Variants in LRSAM1 observed in about 807,000 individuals in gnomAD.
The protein encoded by LRSAM1 is E3 ubiquitin-protein ligase LRSAM1.
A neutral mutation model predicts 118.1 loss-of-function variants in LRSAM1; 96 were observed. That is an observed-to-expected ratio of 0.81 (90% CI 0.69 to 0.96). LRSAM1 has a LOEUF of 0.96. LRSAM1 is among the 40% of genes least tolerant of loss of function. LRSAM1 has a pLI of 0.00. For missense variants in LRSAM1, 804 were observed against 915.5 expected (o/e 0.88, Z 1.57); for synonymous variants, 322 against 364.2 (o/e 0.88, Z 1.32).
intron 2 of LRSAM1, 193 bp downstream of exon 2, chr9:127,452,277 G>T (rs926457634): frequency 2.0e-5 from 3 of 152,458 alleles, no homozygotes; most frequent in African/African-American, 7.2e-5. Flanking sequence ...GTGCAAGAGG[G>T]TTAGTGATTG....
chr9:127,460,952 T>G (rs1834718509), intron 7 of LRSAM1, among the ~76,000 whole-genome samples: 1 of 142,660 alleles, frequency 7.0e-6, no homozygotes, highest in South Asian at 2.3e-4. Context: ...GCCTCCTGGG[T>G]TCAAGCAATT....
chr9:127,462,887 G>T (rs1421620359), intron 9 of LRSAM1, among the ~76,000 whole-genome samples: 1 of 151,952 alleles, frequency 6.6e-6, no homozygotes, highest in Non-Finnish European at 1.5e-5. Context: ...ATTCAAGCCA[G>T]ACCTTAAAGG....
rs75171318 is a variant in LRSAM1 at position 127,496,101 on chromosome 9, C to T, written c.1830+6C>T. The T allele has an allele frequency of 0.026, 41,755 of 1,607,800 alleles. 681 individuals carry two copies. The highest frequency in any genetic ancestry group is 0.031 in the Non-Finnish European group (35,996 of 1,179,952). ...GCCCAGGGGACCTGGCCAAGGTGGG[C>T]AGCAGCCGTCTGCATGGAGGGGAGG... On this transcript the variant is annotated splice_donor_region_variant and intron_variant, in intron 23 of 25. Coordinates refer to ENST00000300417, the MANE Select transcript of LRSAM1 (RefSeq NM_001005373.4).
At chr9:127,456,672 G>A (rs896602643) in intron 5 of LRSAM1, among the ~76,000 whole-genome samples, 1 of 152,070 alleles carries the variant, frequency 6.6e-6, no homozygotes, top group African/African-American at 2.4e-5. Context: ...AGACCATCCT[G>A]GCTACCATGG....
Position 127,451,631 on chromosome 9 carries a change from G to A in LRSAM1, c.-227G>A. 1 of 474,772 alleles carries A rather than the reference G, an allele frequency of 2.1e-6. No homozygotes were observed. Among genetic ancestry groups the A allele is most frequent in the Non-Finnish European group, 3.9e-6 (1 of 259,342 alleles). 29.4% of individuals were successfully genotyped at this position (474,772 alleles called of 1,614,324 possible). On this transcript the variant is annotated 5_prime_UTR_variant, in exon 1 of 26. Coordinates refer to ENST00000300417, the MANE Select transcript of LRSAM1 (RefSeq NM_001005373.4). Reference sequence around the variant, plus strand: ...GGAGAAGTCTGAGAAGGGTGGCTCCGGTGATCCCAGCCCTAGCTGTTTCCC... The same window carrying A: ...GGAGAAGTCTGAGAAGGGTGGCTCCAGTGATCCCAGCCCTAGCTGTTTCCC...
In LRSAM1 at chr9:127,503,221, C is replaced by T; in HGVS notation, c.*322C>T. 2.5e-6 allele frequency: 1 copy of T among 393,402 alleles called. No individual in the cohort carries two copies. The highest frequency in any genetic ancestry group is 4.9e-6 in the Non-Finnish European group (1 of 205,600). 24.4% of individuals were successfully genotyped at this position (393,402 alleles called of 1,614,324 possible). ...TCCCAGCTGTCTTGACTGAAGGCCA[C>T]CGCCCCTGCAGGAGCTTGGGTCCTC... On this transcript the variant is annotated 3_prime_UTR_variant, in exon 26 of 26. Coordinates refer to ENST00000300417, the MANE Select transcript of LRSAM1 (RefSeq NM_001005373.4).
Position 127,454,570 on chromosome 9 carries a change from C to G in LRSAM1, c.43C>G (p.Arg15Gly). The G allele has an allele frequency of 6.2e-7, 1 of 1,614,102 alleles. No homozygotes were observed. Among genetic ancestry groups the G allele is most frequent in the Non-Finnish European group, 8.5e-7 (1 of 1,180,008 alleles). Residue 15 changes from arginine (R) to glycine (G), a missense_variant, in exon 3 of 26, where the codon CGG (arginine) becomes GGG (glycine). By Grantham distance (125) the Arg-to-Gly change is moderately radical (BLOSUM62 -2). Coordinates refer to ENST00000300417, the MANE Select transcript of LRSAM1 (RefSeq NM_001005373.4). ...FRKRKPSEEA[R>G]KRLEYQMCLA... ...GAAGCGGAAACCCAGTGAGGAGGCT[C>G]GGAAACGCCTGGAGTACCAGATGTG...
At chr9:127,461,370 C>T in intron 8 of LRSAM1, 113 bp downstream of exon 8, 2 of 864,226 alleles carry the variant, frequency 2.3e-6, no homozygotes, top group South Asian at 2.6e-5. Flanking sequence ...CAGCCAGTCT[C>T]CGGGGGTCGC....
chr9:127,483,694 C>T (rs1013757210), intron 16 of LRSAM1, among the ~76,000 whole-genome samples: 1 of 152,136 alleles, frequency 6.6e-6, no homozygotes, highest in Non-Finnish European at 1.5e-5. Context: ...GACAAAGTCT[C>T]GCTCTGTTGC....
chr9:127,454,539 C>A lies in LRSAM1; in HGVS notation c.12C>A (p.Phe4Leu), dbSNP rs753536686. 4.3e-6 allele frequency: 7 copies of A among 1,614,128 alleles called. No homozygotes were observed. The highest frequency in any genetic ancestry group is 2.5e-6 in the Non-Finnish European group (3 of 1,180,046). The change falls in exon 3 of 26, where the codon TTC becomes TTA. Residue 4 changes from phenylalanine to leucine, a missense_variant. Transcript: ENST00000300417. ...GGGAAAAGGGAAGGATGCCGCTCTT[C>A]TTCCGGAAGCGGAAACCCAGTGAGG... MPL[F>L]FRKRKPSEEA...
At chr9:127,483,919 C>G (rs1049592494) in intron 16 of LRSAM1, among the ~76,000 whole-genome samples, 4 of 146,190 alleles carry the variant, frequency 2.7e-5, no homozygotes, top group Admixed American at 6.6e-5. Flanking sequence ...GCCTCAACCT[C>G]CTGAAGTGCT....
chr9:127,482,936 G>A lies in LRSAM1; in HGVS notation c.1089-14G>A. On this transcript the variant is annotated splice_polypyrimidine_tract_variant and intron_variant, in intron 15 of 25. Coordinates refer to ENST00000300417, the MANE Select transcript of LRSAM1 (RefSeq NM_001005373.4). ...TGTTAAATTTGCTGAATGAATGGAT[G>A]GATTTTTTTCTAGAATAAGAATGGA... 6.4e-7 allele frequency: 1 copy of A among 1,552,160 alleles called. No individual in the cohort carries two copies.
At position 127,479,380 on chromosome 9, in the gene LRSAM1, C is replaced by A. The variant is rs755107083; in HGVS notation, c.781-3C>A. 4 of 1,614,166 alleles carry A rather than the reference C, an allele frequency of 2.5e-6. No individual in the cohort carries two copies. In the South Asian group the frequency reaches 4.4e-5, roughly 18 times the overall value. On this transcript the variant is annotated splice_region_variant and splice_polypyrimidine_tract_variant and intron_variant, in intron 12 of 25. Transcript: ENST00000300417. ...GACAGTCACCAGGATCTGTGTCTTG[C>A]AGGAACAGAAGATGCTGGAGAAACT...
intron 20 of LRSAM1, among the ~76,000 whole-genome samples, chr9:127,491,739 G>T (rs2132099875): frequency 6.6e-6 from 1 of 152,368 alleles, no homozygotes; most frequent in East Asian, 1.9e-4. Context: ...CCTGCAGGCA[G>T]CATCTCTGGG....
intron 7 of LRSAM1, among the ~76,000 whole-genome samples, chr9:127,460,750 G>A (rs1834703191): frequency 6.6e-6 from 1 of 151,884 alleles, no homozygotes; most frequent in Non-Finnish European, 1.5e-5. Flanking sequence ...GCTTGTGTGT[G>A]TAGTGCCTGG....
At chr9:127,480,006 C>T (rs1420379934) in intron 14 of LRSAM1, 28 bp downstream of exon 14, 9 of 1,614,064 alleles carry the variant, frequency 5.6e-6, no homozygotes, top group Non-Finnish European at 7.6e-6. Context: ...GGCCCCAGCC[C>T]CAGAGTCCTT....
intron 6 of LRSAM1, 77 bp downstream of exon 6, chr9:127,457,470 G>A (rs1834563491): frequency 2.2e-6 from 3 of 1,342,288 alleles, no homozygotes; most frequent in Non-Finnish European, 3.2e-6. Flanking sequence ...CTCCTTTTGG[G>A]CTGCCTCTTG....
chr9:127,459,196 C>A, intron 7 of LRSAM1, 125 bp downstream of exon 7: 1 of 903,536 alleles, frequency 1.1e-6, no homozygotes, highest in East Asian at 2.5e-5. Context: ...GCCAGCTCCA[C>A]CCTCCCCTTG....
At position 127,460,847 on chromosome 9, in the gene LRSAM1, C is replaced by CTTTTTTTTTT. The variant is rs58140930; in HGVS notation, c.322-309_322-300dup. Among the ~76,000 whole-genome samples the CTTTTTTTTTT allele has an allele frequency of 1.7e-4, 13 of 77,426 alleles. 1 individual carries two copies. Among genetic ancestry groups the CTTTTTTTTTT allele is most frequent in the South Asian group, 5.3e-4 (1 of 1,890 alleles). The allele number at this position is 77,426 out of a possible 152,430, so 50.8% of individuals were successfully genotyped here. A position where few individuals can be genotyped will look rare whatever the true frequency, so the allele number is the denominator to read the frequency against. On this transcript the variant is annotated intron_variant, in intron 7 of 25. Transcript: ENST00000300417. Reference sequence around the variant, plus strand: ...TCGTGTCACCTCTTCCTGTTTCTTTCTTTTTTTTTTTTTTTTTTTTTTTTT... The same window carrying CTTTTTTTTTT: ...TCGTGTCACCTCTTCCTGTTTCTTTCTTTTTTTTTTTTTTTTTTTTTTTTTTTTTTTTTTT...
Sources: allele counts gnomAD v4.1 joint callset (sites outside exome capture counted in the v4.1 genomes callset), GRCh38; gene constraint gnomAD v4.1.1; transcripts MANE v1.5; gene names NCBI Gene and HGNC (gene_info 2026-07-23, HGNC 2026-07-21).